Variants in VTA1 observed in about 807,000 individuals in gnomAD.
VTA1 encodes the protein vesicle trafficking 1.
Under a neutral mutation model 36.9 loss-of-function variants are expected in VTA1, and 24 were observed. The ratio of observed to expected loss-of-function variants is 0.65; its 90% CI spans 0.47 to 0.91. The LOEUF (loss-of-function observed/expected upper bound fraction) is 0.91, where lower values mean the gene tolerates loss of function less well. Ranked by LOEUF, VTA1 falls within the 40% of genes least tolerant of loss-of-function variation. The pLI is 0.00. For synonymous variants in VTA1, 142 were observed against 130.2 expected (o/e 1.09, Z -0.62); for missense variants, 393 against 377.2 (o/e 1.04, Z -0.35).
At chr6:142,213,514 G>A (rs1775941814) in intron 7 of VTA1, among the ~76,000 whole-genome samples, 1 of 152,222 alleles carries the variant, frequency 6.6e-6, no homozygotes, top group Non-Finnish European at 1.5e-5. Flanking sequence ...GTGCCCCAGT[G>A]GGCATGCTGC....
At chr6:142,192,994 G>A (rs961033364) in intron 5 of VTA1, among the ~76,000 whole-genome samples, 16 of 152,094 alleles carry the variant, frequency 1.1e-4, no homozygotes, top group African/African-American at 3.4e-4. Flanking sequence ...ATTTCCATCT[G>A]TATTCAGATT....
chr6:142,195,249 T>C (rs1272314666), intron 5 of VTA1, among the ~76,000 whole-genome samples: 1 of 151,900 alleles, frequency 6.6e-6, no homozygotes, highest in East Asian at 1.9e-4. Context: ...TAACCATGAA[T>C]TCAATTTCCC....
chr6:142,196,437 A>G (rs939439378), intron 5 of VTA1, among the ~76,000 whole-genome samples: 1 of 152,208 alleles, frequency 6.6e-6, no homozygotes, highest in South Asian at 2.1e-4. Flanking sequence ...CAAAAAGCAT[A>G]TAGGCACTTT....
chr6:142,190,975 G>A (rs2114666551), intron 5 of VTA1, among the ~76,000 whole-genome samples: 1 of 152,206 alleles, frequency 6.6e-6, no homozygotes, highest in South Asian at 2.1e-4. Context: ...GAATTATATT[G>A]AAAGATTGCC....
At chr6:142,198,144 TGTGTGTG>T (rs1434293937) in intron 5 of VTA1, among the ~76,000 whole-genome samples, 2 of 148,944 alleles carry the variant, frequency 1.3e-5, no homozygotes, top group African/African-American at 4.9e-5. Context: ...TGTGTGTGTG[TGTGTGTG>T]TGTGTGTGTG....
chr6:142,182,061 AAG>A (rs1446047532), intron 4 of VTA1, among the ~76,000 whole-genome samples: 1 of 152,218 alleles, frequency 6.6e-6, no homozygotes, highest in Non-Finnish European at 1.5e-5. Context: ...TTGAGGGACT[AAG>A]AGTATAAATG....
chr6:142,196,014 A>G (rs753121339), intron 5 of VTA1, among the ~76,000 whole-genome samples: 17 of 152,080 alleles, frequency 1.1e-4, no homozygotes, highest in Non-Finnish European at 2.5e-4. Flanking sequence ...ATTGCTTATG[A>G]TGTTCTCTGT....
At chr6:142,168,828 G>A (rs1774974336) in intron 2 of VTA1, among the ~76,000 whole-genome samples, 3 of 150,622 alleles carry the variant, frequency 2.0e-5, no homozygotes, top group East Asian at 1.9e-4. Context: ...GTGCAGTGGC[G>A]CGATCTCAGC....
rs1582912144 is a variant in VTA1, at chr6:142,221,907, G to GT, written c.*3266dup. 2 of 151,202 alleles carry GT rather than the reference G, an allele frequency of 1.3e-5. No individual in the cohort carries two copies. The highest frequency in any genetic ancestry group is 1.3e-4 in the Admixed American group (2 of 15,124). 9.4% of individuals were successfully genotyped at this position (151,202 alleles called of 1,614,324 possible). On this transcript the variant is annotated 3_prime_UTR_variant, in exon 8 of 8. Transcript: ENST00000367630. ...AATCGCTTGAACCCAGGAGGCGGAG[G>GT]TTGCAGTGAGCCGAGATCGTGCCAC...
At chr6:142,216,964 C>T (rs1012310116) in intron 7 of VTA1, among the ~76,000 whole-genome samples, 3 of 152,090 alleles carry the variant, frequency 2.0e-5, no homozygotes, top group African/African-American at 4.8e-5. Context: ...ACCTAGACAG[C>T]GTATGTAGTG....
chr6:142,157,172 A>C (rs1342748695), intron 1 of VTA1, among the ~76,000 whole-genome samples: 1 of 150,456 alleles, frequency 6.6e-6, no homozygotes, highest in Non-Finnish European at 1.5e-5. Flanking sequence ...CAAAAAAATG[A>C]TAATAATAAT....
At chr6:142,215,543 T>C (rs1775991170) in intron 7 of VTA1, among the ~76,000 whole-genome samples, 1 of 152,198 alleles carries the variant, frequency 6.6e-6, no homozygotes, top group South Asian at 2.1e-4. Flanking sequence ...TAACTACTAT[T>C]GTTGGAATTG....
At chr6:142,171,032 A>G (rs1417204465) in intron 4 of VTA1, among the ~76,000 whole-genome samples, 1 of 152,158 alleles carries the variant, frequency 6.6e-6, no homozygotes, top group Non-Finnish European at 1.5e-5. Context: ...AAGTATTAAC[A>G]TATTACTAAT....
chr6:142,221,156 G>A lies in VTA1; in HGVS notation c.*2513G>A, dbSNP rs1776102488. 6.6e-6 allele frequency: 1 copy of A among 152,178 alleles called. No homozygotes were observed. Among genetic ancestry groups the A allele is most frequent in the Non-Finnish European group, 1.5e-5 (1 of 68,036 alleles). 9.4% of individuals were successfully genotyped at this position (152,178 alleles called of 1,614,324 possible). On this transcript the variant is annotated 3_prime_UTR_variant, in exon 8 of 8. Transcript: ENST00000367630. Reference sequence around the variant, plus strand: ...TCTCCTCAAACCGGTTCTCAAAGGTGTCTCTGGACGACCGGCATCAGCATC... The same window carrying A: ...TCTCCTCAAACCGGTTCTCAAAGGTATCTCTGGACGACCGGCATCAGCATC...
At chr6:142,166,796 T>G (rs1774925926) in intron 2 of VTA1, among the ~76,000 whole-genome samples, 1 of 152,088 alleles carries the variant, frequency 6.6e-6, no homozygotes, top group Admixed American at 6.5e-5. Context: ...CTAGTTTTTT[T>G]GTATATTTTG....
At chr6:142,213,225 T>G in intron 7 of VTA1, among the ~76,000 whole-genome samples, 1 of 152,302 alleles carries the variant, frequency 6.6e-6, no homozygotes, top group African/African-American at 2.4e-5. Context: ...CCCATGCAAG[T>G]CTGAAGCCCA....
At chr6:142,214,038 C>T (rs1316056377) in intron 7 of VTA1, among the ~76,000 whole-genome samples, 1 of 152,148 alleles carries the variant, frequency 6.6e-6, no homozygotes, top group Non-Finnish European at 1.5e-5. Context: ...GCAAATTTTC[C>T]ATACTTTTAT....
At chr6:142,192,012 T>C (rs1474525348) in intron 5 of VTA1, among the ~76,000 whole-genome samples, 1 of 152,092 alleles carries the variant, frequency 6.6e-6, no homozygotes, top group Admixed American at 6.5e-5. Flanking sequence ...TTGTACTTAG[T>C]TAACTTAGAT....
chr6:142,189,407 T>C lies in VTA1; in HGVS notation c.412-19T>C, dbSNP rs1216928788. ...TCTTTACCATAGTCCAATGTTGATATAAAAATGCTCTCTTTTAGAATGTGA... is the reference window on the plus strand; with the variant it reads ...TCTTTACCATAGTCCAATGTTGATACAAAAATGCTCTCTTTTAGAATGTGA... On this transcript the variant is annotated intron_variant, in intron 4 of 7. Coordinates refer to ENST00000367630, the MANE Select transcript of VTA1 (RefSeq NM_016485.5). The C allele has an allele frequency of 5.0e-6, 8 of 1,584,616 alleles. No homozygotes were observed. Among genetic ancestry groups the C allele is most frequent in the Non-Finnish European group, 8.7e-7 (1 of 1,155,050 alleles).
Sources: gnomAD v4.1 joint callset for allele counts (sites outside exome capture counted in the v4.1 genomes callset) on GRCh38, gnomAD v4.1.1 for gene constraint, MANE v1.5 for transcripts, NCBI Gene and HGNC (gene_info 2026-07-23, HGNC 2026-07-21) for gene names.